FN3K: variants seen among roughly 807,000 people sequenced by gnomAD.
FN3K encodes fructosamine-3-kinase.
Under a neutral mutation model 24.8 loss-of-function variants are expected in FN3K, and 24 were observed. That is an observed-to-expected ratio of 0.97 (90% CI 0.70 to 1.36). FN3K has a LOEUF of 1.36. Ranked by LOEUF, FN3K falls within the 40% of genes most tolerant of loss-of-function variation. FN3K has a pLI of 0.00. For missense variants in FN3K, 449 were observed against 416.7 expected (o/e 1.08, Z -0.67); for synonymous variants, 192 against 175.2 (o/e 1.10, Z -0.76).
In FN3K at chr17:82,740,828, AGTT is replaced by A; in HGVS notation, c.361_363del (p.Leu121del). ...CTTTACAACCAGAAGCTCAGGGAGA[AGTT>A]GAAGGAGGAGGAGAACACAGTGGGT... is the stretch of plus-strand genomic sequence containing the variant. On this transcript the variant is annotated inframe_deletion, in exon 3 of 6. Coordinates refer to ENST00000300784, the MANE Select transcript of FN3K (RefSeq NM_022158.4). 6.2e-7 allele frequency: 1 copy of A among 1,613,572 alleles called. No individual in the cohort carries two copies. The highest frequency in any genetic ancestry group is 8.5e-7 in the Non-Finnish European group (1 of 1,179,652).
chr17:82,744,101 T>C (rs2046955483), intron 4 of FN3K, among the ~76,000 whole-genome samples: 1 of 152,088 alleles, frequency 6.6e-6, no homozygotes, highest in East Asian at 1.9e-4. Context: ...AGCCAGGCTA[T>C]GGGGAGGGGC....
chr17:82,743,366 C>G (rs1466918696), intron 4 of FN3K, among the ~76,000 whole-genome samples: 2 of 152,256 alleles, frequency 1.3e-5, no homozygotes, highest in Non-Finnish European at 2.9e-5. Context: ...GAACCCACCT[C>G]AGATCAGGTG....
chr17:82,750,629 C>T lies in FN3K; in HGVS notation c.804C>T (p.Pro268=). 6.2e-7 allele frequency: 1 copy of T among 1,614,098 alleles called. No homozygotes were observed. The highest frequency in any genetic ancestry group is 8.5e-7 in the Non-Finnish European group (1 of 1,180,004). The part of the protein sequence containing the change: ...SFFTAYHRKI[P]KAPGFDQRLL... ...TCACCGCCTACCACCGGAAGATCCC[C>T]AAGGCTCCGGGCTTCGACCAGCGGC... The change falls in exon 6 of 6, where the codon CCC becomes CCT. Residue 268 remains proline (P), a synonymous_variant. Coordinates refer to ENST00000300784, the MANE Select transcript of FN3K (RefSeq NM_022158.4).
intron 4 of FN3K, among the ~76,000 whole-genome samples, chr17:82,746,388 G>GT (rs934490062): frequency 4.0e-4 from 60 of 149,036 alleles, no homozygotes; most frequent in South Asian, 3.4e-3. Context: ...TGTGAATAGG[G>GT]TTTTTTTTTT....
In FN3K at chr17:82,741,431, T is replaced by A. The variant is rs1194604452; in HGVS notation, c.468+38T>A. ...GTGAGGGTGTTCCCTGATGCCCTAA[T>A]GCTGGTCACCCACTCTTTATATGTG... On this transcript the variant is annotated intron_variant, in intron 4 of 5. Coordinates refer to ENST00000300784, the MANE Select transcript of FN3K (RefSeq NM_022158.4). The A allele has an allele frequency of 1.9e-6, 3 of 1,553,542 alleles. No homozygotes were observed. The African/African-American group carries it at 4.1e-5, about 21-fold the overall frequency.
At chr17:82,735,829 A>G (rs2256322) in intron 1 of FN3K, 52 bp downstream of exon 1, 1,530,146 of 1,532,176 alleles carry the variant, frequency 1, 764,076 homozygotes, top group East Asian at 1. Context: ...GGGGCCTGGG[A>G]AGGCGGAGGG....
intron 5 of FN3K, 76 bp from the exon 6 acceptor site, chr17:82,750,341 G>C (rs1160810819): frequency 1.5e-6 from 2 of 1,339,676 alleles, no homozygotes; most frequent in Non-Finnish European, 2.1e-6. Flanking sequence ...AGTGGGCTTT[G>C]CCTTATTTCC....
chr17:82,736,759 G>C (rs909913218), intron 1 of FN3K, among the ~76,000 whole-genome samples: 3 of 152,174 alleles, frequency 2.0e-5, no homozygotes, highest in African/African-American at 7.2e-5. Flanking sequence ...CTGGGCGTGC[G>C]ATCGGATCCT....
At chr17:82,740,420 C>CAA (rs71369031) in intron 2 of FN3K, among the ~76,000 whole-genome samples, 1,902 of 72,996 alleles carry the variant, frequency 0.026, 11 homozygotes, top group Non-Finnish European at 0.028. Flanking sequence ...CCCATCTCTA[C>CAA]AAAAAAAAAA....
chr17:82,735,809 G>C, intron 1 of FN3K, 32 bp downstream of exon 1: 1 of 1,545,330 alleles, frequency 6.5e-7, no homozygotes, highest in Non-Finnish European at 8.7e-7. Flanking sequence ...GGGGCTCTGC[G>C]GGTCTCTGCG....
At position 82,750,628 on chromosome 17, in the gene FN3K, C is replaced by G; in HGVS notation, c.803C>G (p.Pro268Arg). 6.2e-7 allele frequency: 1 copy of G among 1,614,104 alleles called. No homozygotes were observed. The highest frequency in any genetic ancestry group is 8.5e-7 in the Non-Finnish European group (1 of 1,180,000). ...SFFTAYHRKI[P>R]KAPGFDQRLL... ...TTCACCGCCTACCACCGGAAGATCC[C>G]CAAGGCTCCGGGCTTCGACCAGCGG... The change falls in exon 6 of 6, where the codon CCC becomes CGC. Residue 268 changes from proline to arginine, a missense_variant. Pro to Arg is a moderately radical substitution (Grantham distance 103, BLOSUM62 -2). Coordinates refer to ENST00000300784, the MANE Select transcript of FN3K (RefSeq NM_022158.4).
intron 1 of FN3K, among the ~76,000 whole-genome samples, chr17:82,736,889 C>T (rs999298368): frequency 1.3e-5 from 2 of 152,232 alleles, no homozygotes; most frequent in African/African-American, 4.8e-5. Context: ...CTCAGCTGGT[C>T]CTGAAAGCTC....
In FN3K at chr17:82,735,741, A is replaced by G. The variant is rs1440242757; in HGVS notation, c.105A>G (p.Ala35=). 6.4e-7 allele frequency: 1 copy of G among 1,561,826 alleles called. No homozygotes were observed. Among genetic ancestry groups the G allele is most frequent in the South Asian group, 1.2e-5 (1 of 84,964 alleles). ...ISEGRAYDTD[A]GPVFVKVNRR... ...AGGGCCGAGCCTACGACACGGACGC[A>G]GGCCCAGTGTTCGTCAAAGTCAACC... Residue 35 remains alanine (A), a synonymous_variant, in exon 1 of 6, where the codon GCA becomes GCG. Coordinates refer to ENST00000300784, the MANE Select transcript of FN3K (RefSeq NM_022158.4).
intron 4 of FN3K, among the ~76,000 whole-genome samples, chr17:82,741,976 C>T (rs890725294): frequency 4.6e-5 from 7 of 152,148 alleles, no homozygotes; most frequent in African/African-American, 1.2e-4. Flanking sequence ...GGCACGATCT[C>T]GACCCACCGC....
intron 1 of FN3K, chr17:82,736,104 CTGGCAG>C (rs1477805509): frequency 3.3e-6 from 1 of 299,858 alleles, no homozygotes; most frequent in Non-Finnish European, 6.3e-6. Context: ...CACCGTCCTC[CTGGCAG>C]TGGGAAAGAA....
At position 82,749,130 on chromosome 17, in the gene FN3K, C is replaced by T. The variant is rs192329572; in HGVS notation, c.591+153C>T. ...GAAGGGGGGCAGGGGCGGGGGTTCC[C>T]CCAAAAGGGAGTCCGAAAGGAGTGA... On this transcript the variant is annotated intron_variant, in intron 5 of 5. Coordinates refer to ENST00000300784, the MANE Select transcript of FN3K (RefSeq NM_022158.4). The T allele has an allele frequency of 8.3e-4, 1,017 of 1,218,426 alleles. 4 individuals carry two copies. In the African/African-American group the frequency reaches 9.0e-3, roughly 11 times the overall value. 75.5% of individuals were successfully genotyped at this position (1,218,426 alleles called of 1,614,324 possible).
intron 5 of FN3K, 39 bp downstream of exon 5, chr17:82,749,016 C>G (rs772649961): frequency 6.2e-7 from 1 of 1,613,650 alleles, no homozygotes; most frequent in Non-Finnish European, 8.5e-7. Context: ...AGAGCTGGTC[C>G]TCTCATGATC....
intron 2 of FN3K, 69 bp from the exon 3 acceptor site, chr17:82,740,694 A>C (rs1474138811): frequency 1.8e-6 from 2 of 1,120,490 alleles, no homozygotes; most frequent in East Asian, 5.0e-5. Context: ...CCTTTCTCAA[A>C]ATGGAACAAA....
chr17:82,737,848 A>T (rs1421531191), intron 1 of FN3K: 1 of 152,380 alleles, frequency 6.6e-6, no homozygotes, highest in Non-Finnish European at 1.5e-5. Context: ...TTCATGGACC[A>T]CGTTCGTCAA....
Sources: gnomAD v4.1 joint callset for allele counts (sites outside exome capture counted in the v4.1 genomes callset) on GRCh38, gnomAD v4.1.1 for gene constraint, MANE v1.5 for transcripts, NCBI Gene and HGNC (gene_info 2026-07-23, HGNC 2026-07-21) for gene names.